Variants in REC114 observed in about 807,000 individuals in gnomAD.
REC114 encodes the protein meiotic recombination protein REC114.
Under a neutral mutation model 31.3 loss-of-function variants are expected in REC114, and 27 were observed. The observed-to-expected ratio is 0.86, with a 90% CI of 0.64 to 1.19. REC114 has a LOEUF of 1.19. REC114 is among the 50% of genes most tolerant of loss of function. The pLI is 0.00. For synonymous variants in REC114, 134 were observed against 127.7 expected (o/e 1.05, Z -0.33); for missense variants, 344 against 326.9 (o/e 1.05, Z -0.40).
chr15:73,516,124 T>C (rs1267112411), intron 2 of REC114, among the ~76,000 whole-genome samples: 1 of 151,970 alleles, frequency 6.6e-6, no homozygotes, highest in Non-Finnish European at 1.5e-5. Flanking sequence ...TAGCTAGGAT[T>C]ACAAGCACCT....
At chr15:73,463,392 G>T (rs1245752124) in intron 1 of REC114, among the ~76,000 whole-genome samples, 1 of 152,046 alleles carries the variant, frequency 6.6e-6, no homozygotes, top group Non-Finnish European at 1.5e-5. Flanking sequence ...GGATTTTCTT[G>T]TATTTTCTTT....
At chr15:73,538,286 A>C (rs532855640) in intron 2 of REC114, among the ~76,000 whole-genome samples, 2 of 152,278 alleles carry the variant, frequency 1.3e-5, no homozygotes, top group East Asian at 3.9e-4. Context: ...AAAAAAATGC[A>C]AACTGTCTCA....
At position 73,540,544 on chromosome 15, in the gene REC114, T is replaced by C; in HGVS notation, c.309T>C (p.Cys103=). 1 of 1,613,912 alleles carries C rather than the reference T, an allele frequency of 6.2e-7. No individual in the cohort carries two copies. The highest frequency in any genetic ancestry group is 8.5e-7 in the Non-Finnish European group (1 of 1,179,772). ...DWLKIVRRVD[C]LLFGTTIKDK... is the part of the protein sequence containing the mutation. ...TGAAGATTGTAAGACGCGTGGATTG[T>C]CTGTTGTTTGGAACAACGATAAAGG... Residue 103 remains cysteine (C), a synonymous_variant, in exon 3 of 6, where the codon TGT becomes TGC. Transcript: ENST00000331090.
intron 4 of REC114, among the ~76,000 whole-genome samples, chr15:73,555,371 G>A (rs1272331500): frequency 1.3e-5 from 2 of 152,162 alleles, no homozygotes; most frequent in Non-Finnish European, 2.9e-5. Flanking sequence ...CATGTGGCTA[G>A]GAAGGAACGG....
At chr15:73,543,942 CTTTT>C (rs34215297) in intron 3 of REC114, among the ~76,000 whole-genome samples, 6 of 74,098 alleles carry the variant, frequency 8.1e-5, no homozygotes, top group Admixed American at 5.8e-4. Context: ...TGTTAACTGG[CTTTT>C]TTTTTTTTTT....
intron 3 of REC114, among the ~76,000 whole-genome samples, chr15:73,549,640 TGA>T (rs1157348385): frequency 6.6e-6 from 1 of 152,218 alleles, no homozygotes; most frequent in Admixed American, 6.5e-5. Context: ...TAAATATACA[TGA>T]GTGTTTGTAT....
chr15:73,558,384 CCAT>C (rs1404771319), intron 5 of REC114, among the ~76,000 whole-genome samples: 1 of 152,140 alleles, frequency 6.6e-6, no homozygotes, highest in East Asian at 1.9e-4. Context: ...GAACTGGAGC[CCAT>C]CATCGTCATG....
intron 3 of REC114, among the ~76,000 whole-genome samples, chr15:73,543,703 T>A (rs1242650747): frequency 6.6e-6 from 1 of 152,186 alleles, no homozygotes; most frequent in Non-Finnish European, 1.5e-5. Flanking sequence ...AGTTTAAATT[T>A]AACCTCCTTA....
chr15:73,488,503 T>C (rs1893402759), intron 2 of REC114, among the ~76,000 whole-genome samples: 1 of 152,190 alleles, frequency 6.6e-6, no homozygotes, highest in South Asian at 2.1e-4. Context: ...ACCTAGAGTA[T>C]TTTGCTCAGA....
intron 3 of REC114, 49 bp downstream of exon 3, chr15:73,540,617 T>G: frequency 5.3e-6 from 8 of 1,508,140 alleles, no homozygotes; most frequent in Non-Finnish European, 6.5e-6. Flanking sequence ...TATGTGTGTA[T>G]GTTGGGGAGG....
Position 73,559,943 on chromosome 15 carries a change from A to C in REC114, c.*27A>C. 1 of 1,541,320 alleles carries C rather than the reference A, an allele frequency of 6.5e-7. No individual in the cohort carries two copies. The highest frequency in any genetic ancestry group is 8.7e-7 in the Non-Finnish European group (1 of 1,153,580). On this transcript the variant is annotated 3_prime_UTR_variant, in exon 6 of 6. Transcript: ENST00000331090. ...GCTCTATATACATATATAACTAAGG[A>C]ACTTCAAAGTATTGAAAAATGCTTC...
chr15:73,478,451 A>G (rs988804227), intron 2 of REC114, among the ~76,000 whole-genome samples: 1 of 151,990 alleles, frequency 6.6e-6, no homozygotes, highest in Non-Finnish European at 1.5e-5. Context: ...GTTGATCTAT[A>G]TGTCTATCCT....
At chr15:73,556,509 A>C (rs1286851708) in intron 5 of REC114, 118 bp downstream of exon 5, 4 of 838,736 alleles carry the variant, frequency 4.8e-6, no homozygotes, top group Middle Eastern at 3.0e-4. Context: ...ATTACTCTAA[A>C]AGGTGATAGA....
At chr15:73,475,143 G>A (rs1356989588) in intron 2 of REC114, among the ~76,000 whole-genome samples, 2 of 152,170 alleles carry the variant, frequency 1.3e-5, no homozygotes, top group East Asian at 1.9e-4. Flanking sequence ...TGGCTTCCTC[G>A]GGCATATTAG....
chr15:73,549,738 T>C (rs769709470), intron 3 of REC114, among the ~76,000 whole-genome samples: 1 of 152,214 alleles, frequency 6.6e-6, no homozygotes, highest in Non-Finnish European at 1.5e-5. Context: ...ATGACTTTTA[T>C]ATTCAGGGGG....
chr15:73,482,472 A>G (rs547108209), intron 2 of REC114, among the ~76,000 whole-genome samples: 2 of 152,318 alleles, frequency 1.3e-5, no homozygotes, highest in East Asian at 3.9e-4. Flanking sequence ...TGGTGGTGCC[A>G]TGCTTTCTAT....
At chr15:73,456,371 CT>C (rs1310032974) in intron 1 of REC114, among the ~76,000 whole-genome samples, 1 of 151,472 alleles carries the variant, frequency 6.6e-6, no homozygotes, top group Non-Finnish European at 1.5e-5. Context: ...GAAAAAAATC[CT>C]TTTTTTATAG....
intron 2 of REC114, among the ~76,000 whole-genome samples, chr15:73,519,137 A>G (rs1286694320): frequency 6.6e-6 from 1 of 152,188 alleles, no homozygotes; most frequent in Non-Finnish European, 1.5e-5. Context: ...TCCCCCTAAA[A>G]TTCATATGTT....
intron 2 of REC114, among the ~76,000 whole-genome samples, chr15:73,497,851 A>G (rs1893550323): frequency 6.6e-6 from 1 of 152,206 alleles, no homozygotes; most frequent in Non-Finnish European, 1.5e-5. Context: ...GGCAGAAGGA[A>G]GCCAAAAGTA....
Sources: gnomAD v4.1 joint callset for allele counts (sites outside exome capture counted in the v4.1 genomes callset) on GRCh38, gnomAD v4.1.1 for gene constraint, MANE v1.5 for transcripts, NCBI Gene and HGNC (gene_info 2026-07-23, HGNC 2026-07-21) for gene names.